The following DAB1 variants were observed in gnomAD, a reference collection of about 807,000 sequenced individuals.
DAB1 encodes DAB adaptor protein 1.
A neutral mutation model predicts 64.6 loss-of-function variants in DAB1; 15 were observed. The ratio of observed to expected loss-of-function variants is 0.23; its 90% CI spans 0.16 to 0.36. The LOEUF (loss-of-function observed/expected upper bound fraction) is 0.36. DAB1 is among the 10% of genes least tolerant of loss of function. The pLI, the probability that DAB1 is intolerant of heterozygous loss-of-function variation, is 1.00. For synonymous variants in DAB1, 235 were observed against 251.9 expected (o/e 0.93, Z 0.64); for missense variants, 596 against 706.7 (o/e 0.84, Z 1.78).
At chr1:57,448,663 T>G (rs1472529482) in intron 7 of DAB1, among the ~76,000 whole-genome samples, 1 of 151,896 alleles carries the variant, frequency 6.6e-6, no homozygotes, top group Non-Finnish European at 1.5e-5. Context: ...AGAAGTGGAG[T>G]AGGTCTATTT....
intron 6 of DAB1, among the ~76,000 whole-genome samples, chr1:57,707,616 G>C (rs896433522): frequency 7.9e-5 from 12 of 152,094 alleles, no homozygotes; most frequent in Non-Finnish European, 1.3e-4. Flanking sequence ...CAGACTGGCT[G>C]TACCATTTTA....
intron 7 of DAB1, among the ~76,000 whole-genome samples, chr1:57,646,801 G>A (rs1646196816): frequency 6.6e-6 from 1 of 152,150 alleles, no homozygotes; most frequent in African/African-American, 2.4e-5. Context: ...CTGAAGAAAT[G>A]TAACAGGCCG....
intron 2 of DAB1, among the ~76,000 whole-genome samples, chr1:57,256,932 C>T (rs1295208102): frequency 6.6e-6 from 1 of 152,164 alleles, no homozygotes; most frequent in Non-Finnish European, 1.5e-5. Context: ...ATCCCAGTGC[C>T]TAGACCTAGT....
intron 4 of DAB1, among the ~76,000 whole-genome samples, chr1:57,096,156 T>C (rs1200699516): frequency 1.3e-5 from 2 of 152,190 alleles, no homozygotes; most frequent in Non-Finnish European, 2.9e-5. Flanking sequence ...GGGGTTGTCC[T>C]TTGTTCAAGA....
At chr1:57,072,594 T>C (rs529691587) in intron 4 of DAB1, among the ~76,000 whole-genome samples, 180 bp from the exon 5 acceptor site, 1 of 152,314 alleles carries the variant, frequency 6.6e-6, no homozygotes, top group Non-Finnish European at 1.5e-5. Flanking sequence ...CTTCCCTCTA[T>C]GGTCTTAATG....
At chr1:57,148,962 C>T (rs1049560974) in intron 2 of DAB1, among the ~76,000 whole-genome samples, 1 of 152,148 alleles carries the variant, frequency 6.6e-6, no homozygotes, top group African/African-American at 2.4e-5. Flanking sequence ...ACATTTTTGT[C>T]ATCCCACAAA....
At chr1:57,157,586 G>A (rs1006911524) in intron 2 of DAB1, among the ~76,000 whole-genome samples, 19 of 152,132 alleles carry the variant, frequency 1.2e-4, no homozygotes, top group South Asian at 6.2e-4. Flanking sequence ...GAGAGAGAGA[G>A]AGAGAGAGAG....
At chr1:57,202,203 T>A (rs944751249) in intron 2 of DAB1, among the ~76,000 whole-genome samples, 70 of 152,176 alleles carry the variant, frequency 4.6e-4, no homozygotes, top group African/African-American at 1.6e-3. Context: ...CAGATTTTTT[T>A]AAAAAGCCTT....
At chr1:58,353,838 A>G (rs4912333) in intron 3 of DAB1, among the ~76,000 whole-genome samples, 76,470 of 151,850 alleles carry the variant, frequency 0.5, 19,230 homozygotes, top group East Asian at 0.59. Flanking sequence ...AGAAAACTGA[A>G]GTTTCATTTA....
Position 58,037,937 on chromosome 1 carries a change from T to C in DAB1, n.387+112574A>G, listed in dbSNP as rs191385793. On this transcript the variant is annotated intron_variant and non_coding_transcript_variant, in intron 5 of 20. Transcript: ENST00000485760. ...GGTGTTAATGGCCCTGAATGACTCC[T>C]TAGAGAGAGGCAGCCCTGTTGATCT... 4.6e-5 allele frequency among the ~76,000 whole-genome samples: 7 copies of C among 151,388 alleles called. No individual in the cohort carries two copies. The East Asian group carries it at 1.4e-3, about 29-fold the overall frequency.
rs1175221436 is a variant in DAB1 at position 57,951,038 on chromosome 1, C to T, written n.388-66876G>A. ...TAACAAATTGGGAGGCTTGGAAGTACGCTACTCTGATCAGGAGAGTGAATG... is the reference window on the plus strand; with the variant it reads ...TAACAAATTGGGAGGCTTGGAAGTATGCTACTCTGATCAGGAGAGTGAATG... On this transcript the variant is annotated intron_variant and non_coding_transcript_variant, in intron 5 of 20. Coordinates refer to the DAB1 transcript ENST00000485760. Among the ~76,000 whole-genome samples, 6 of 152,054 alleles carry T rather than the reference C, an allele frequency of 3.9e-5. No individual in the cohort carries two copies. In the East Asian group the frequency reaches 7.7e-4, roughly 20 times the overall value.
At chr1:57,332,534 TGA>T (rs1183696022) in intron 1 of DAB1, among the ~76,000 whole-genome samples, 1 of 152,210 alleles carries the variant, frequency 6.6e-6, no homozygotes, top group African/African-American at 2.4e-5. Context: ...TACCAATCAA[TGA>T]GAGACTTAAC....
At chr1:58,047,801 C>G (rs929144469) in intron 5 of DAB1, 4 of 234,656 alleles carry the variant, frequency 1.7e-5, no homozygotes, top group Admixed American at 5.2e-5. Flanking sequence ...AACTGTTTAT[C>G]CGGCATCCAA....
chr1:57,433,683 G>A (rs1286094128), intron 7 of DAB1, among the ~76,000 whole-genome samples: 1 of 151,914 alleles, frequency 6.6e-6, no homozygotes, highest in African/African-American at 2.4e-5. Flanking sequence ...AATATTTGAT[G>A]ATCAAAGAAA....
At chr1:57,671,453 C>T (rs576557982) in intron 6 of DAB1, among the ~76,000 whole-genome samples, 2 of 152,114 alleles carry the variant, frequency 1.3e-5, no homozygotes, top group Admixed American at 6.6e-5. Flanking sequence ...GAGTCAGACT[C>T]AGTAAGAAAT....
At chr1:57,930,339 C>T (rs973322969) in intron 5 of DAB1, among the ~76,000 whole-genome samples, 7 of 152,180 alleles carry the variant, frequency 4.6e-5, no homozygotes, top group African/African-American at 1.7e-4. Flanking sequence ...TTGTTCTCCA[C>T]CAATATTGTG....
chr1:58,536,793 A>T, intron 1 of DAB1: 1 of 824,468 alleles, frequency 1.2e-6, no homozygotes. Flanking sequence ...AGCACATATC[A>T]CTAAAGCTCA....
At chr1:58,444,044 A>C (rs529910758) in intron 3 of DAB1, among the ~76,000 whole-genome samples, 1 of 152,212 alleles carries the variant, frequency 6.6e-6, no homozygotes, top group Non-Finnish European at 1.5e-5. Context: ...AGTGAATAGT[A>C]ATTGCTGACT....
chr1:57,395,102 G>A (rs1034471463), intron 1 of DAB1, among the ~76,000 whole-genome samples: 1 of 152,126 alleles, frequency 6.6e-6, no homozygotes, highest in African/African-American at 2.4e-5. Flanking sequence ...TCGGCTCACT[G>A]CAACCTCCAC....
Sources: allele counts gnomAD v4.1 joint callset (sites outside exome capture counted in the v4.1 genomes callset), GRCh38; gene constraint gnomAD v4.1.1; transcripts MANE v1.5; gene names NCBI Gene and HGNC (gene_info 2026-07-23, HGNC 2026-07-21).